The following CYSTM1 variants were observed in gnomAD, a reference collection of about 807,000 sequenced individuals.
CYSTM1 encodes cysteine rich transmembrane module containing 1, also known as cysteine-rich transmembrane module-containing protein 1.
CYSTM1 carries 4 observed loss-of-function variants against 13.1 expected under a neutral mutation model. That is an observed-to-expected ratio of 0.31 (90% confidence interval 0.15 to 0.70). CYSTM1 has a LOEUF of 0.70. CYSTM1 is among the 30% of genes least tolerant of loss of function. The pLI is 0.72. For synonymous variants in CYSTM1, 36 were observed against 42.7 expected (o/e 0.84, Z 0.62); for missense variants, 96 against 121.6 (o/e 0.79, Z 0.99).
intron 1 of CYSTM1, among the ~76,000 whole-genome samples, chr5:140,178,994 C>T (rs191280546): frequency 3.6e-4 from 55 of 151,930 alleles, no homozygotes; most frequent in African/African-American, 1.2e-3. Flanking sequence ...ATCTGAGGCC[C>T]GGTGCGGTAA....
chr5:140,193,219 G>GA (rs1309403366), intron 1 of CYSTM1, among the ~76,000 whole-genome samples: 2 of 152,174 alleles, frequency 1.3e-5, no homozygotes, highest in African/African-American at 2.4e-5. Flanking sequence ...TATGACAGAT[G>GA]ATATGTTAAG....
chr5:140,193,473 G>A (rs1374968849), intron 1 of CYSTM1, among the ~76,000 whole-genome samples: 2 of 152,066 alleles, frequency 1.3e-5, no homozygotes, highest in African/African-American at 2.4e-5. Flanking sequence ...TAGTAGAGAC[G>A]GGGTTTCACC....
Position 140,179,357 on chromosome 5 carries a change from G to C in CYSTM1, c.-21+4072G>C, listed in dbSNP as rs113508018. Among the ~76,000 whole-genome samples, 336 of 151,848 alleles carry C rather than the reference G, an allele frequency of 2.2e-3. 1 individual carries two copies. The highest frequency in any genetic ancestry group is 3.7e-3 in the Non-Finnish European group (250 of 67,964). The stretch of plus-strand genomic sequence containing the variant: ...GTGGATTGCTTGAGGCCAGGAGTTC[G>C]AGACCAGCCTGGCCAACATGGCGAA... On this transcript the variant is annotated intron_variant, in intron 1 of 2. Coordinates refer to ENST00000261811, the MANE Select transcript of CYSTM1 (RefSeq NM_032412.4).
chr5:140,228,116 G>A (rs991160424), intron 2 of CYSTM1, among the ~76,000 whole-genome samples: 4 of 152,060 alleles, frequency 2.6e-5, no homozygotes, highest in African/African-American at 7.2e-5. Flanking sequence ...GCTAGTTTGG[G>A]GTTATTTTGA....
chr5:140,199,819 C>G (rs1200833318), intron 2 of CYSTM1, among the ~76,000 whole-genome samples: 2 of 152,222 alleles, frequency 1.3e-5, no homozygotes, highest in Non-Finnish European at 2.9e-5. Flanking sequence ...ACCATTCTAA[C>G]TGGCGTGAGA....
chr5:140,212,266 G>A (rs1003081046), intron 2 of CYSTM1, among the ~76,000 whole-genome samples: 6 of 152,150 alleles, frequency 3.9e-5, no homozygotes, highest in South Asian at 2.1e-4. Context: ...CGTAAATGAC[G>A]GTGATCCCAT....
At chr5:140,228,159 G>A (rs1171708167) in intron 2 of CYSTM1, among the ~76,000 whole-genome samples, 1 of 152,164 alleles carries the variant, frequency 6.6e-6, no homozygotes, top group African/African-American at 2.4e-5. Flanking sequence ...ATAGATCCCT[G>A]AACGCTGGGA....
At chr5:140,225,617 C>G (rs13359060) in intron 2 of CYSTM1, among the ~76,000 whole-genome samples, 1 of 152,110 alleles carries the variant, frequency 6.6e-6, no homozygotes, top group African/African-American at 2.4e-5. Context: ...AAGATGTGAC[C>G]GGTTTCCCTG....
intron 2 of CYSTM1, among the ~76,000 whole-genome samples, chr5:140,206,607 G>GTTGT (rs3083575): frequency 0.46 from 69,293 of 149,278 alleles, 16,350 homozygotes; most frequent in Non-Finnish European, 0.51. Flanking sequence ...GCTGAGCACT[G>GTTGT]TTGTTTGTTT....
At chr5:140,189,641 G>A (rs1343425627) in intron 1 of CYSTM1, among the ~76,000 whole-genome samples, 1 of 151,988 alleles carries the variant, frequency 6.6e-6, no homozygotes, top group Non-Finnish European at 1.5e-5. Context: ...TTATTGTTTT[G>A]GGGTCATTTT....
intron 2 of CYSTM1, among the ~76,000 whole-genome samples, chr5:140,205,054 G>A (rs916309268): frequency 3.3e-4 from 50 of 152,198 alleles, no homozygotes; most frequent in African/African-American, 1.0e-3. Context: ...CCCCCATGGA[G>A]CTCAAAAGCC....
chr5:140,241,802 C>T (rs1019230070), intron 2 of CYSTM1, among the ~76,000 whole-genome samples: 2 of 152,168 alleles, frequency 1.3e-5, no homozygotes, highest in African/African-American at 4.8e-5. Context: ...AGGGTAGGCT[C>T]TGGCTGGATG....
At chr5:140,190,065 T>G (rs1764072518) in intron 1 of CYSTM1, among the ~76,000 whole-genome samples, 1 of 152,206 alleles carries the variant, frequency 6.6e-6, no homozygotes, top group Non-Finnish European at 1.5e-5. Flanking sequence ...TGCCTGTCTG[T>G]TAAATTAGGA....
chr5:140,179,379 C>T (rs1049200608), intron 1 of CYSTM1, among the ~76,000 whole-genome samples: 2 of 151,608 alleles, frequency 1.3e-5, no homozygotes, highest in Non-Finnish European at 2.9e-5. Context: ...GCCAACATGG[C>T]GAAACCCTGT....
chr5:140,193,189 G>C (rs180753823), intron 1 of CYSTM1, among the ~76,000 whole-genome samples: 90 of 152,328 alleles, frequency 5.9e-4, no homozygotes, highest in Admixed American at 9.1e-4. Context: ...TAAGATATGG[G>C]TAACAGTACA....
At position 140,225,605 on chromosome 5, in the gene CYSTM1, CA is replaced by C. The variant is rs1370842924; in HGVS notation, c.188-17697del. Among the ~76,000 whole-genome samples, 5 of 152,348 alleles carry C rather than the reference CA, an allele frequency of 3.3e-5. No homozygotes were observed. The East Asian group carries it at 9.6e-4, about 29-fold the overall frequency. Reference sequence around the variant, plus strand: ...GCCTGGGCTTCCTAGTCATACTTCCCAAAGATGTGACCGGTTTCCCTGACTT... The same window carrying C: ...GCCTGGGCTTCCTAGTCATACTTCCCAAGATGTGACCGGTTTCCCTGACTT... On this transcript the variant is annotated intron_variant, in intron 2 of 2. Coordinates refer to ENST00000261811, the MANE Select transcript of CYSTM1 (RefSeq NM_032412.4).
intron 2 of CYSTM1, among the ~76,000 whole-genome samples, chr5:140,236,003 GTT>G (rs1165451521): frequency 6.6e-6 from 1 of 152,170 alleles, no homozygotes; most frequent in African/African-American, 2.4e-5. Context: ...ATACAAAACA[GTT>G]TGTTTCTAAG....
rs1175481174 is a variant in CYSTM1 at position 140,194,569 on chromosome 5, A to G, written c.104A>G (p.Tyr35Cys). ...PMGPGPMGGPYPPPQGYPYQG... is the reference protein window; with the variant it reads ...PMGPGPMGGPCPPPQGYPYQG... ...GGTCCAGGACCTATGGGGGGACCCT[A>G]CCCACCTCCTCAAGGGTACCCCTAC... Residue 35 changes from tyrosine to cysteine, a missense_variant, in exon 2 of 3, where the codon TAC becomes TGC. Physicochemically the swap from Tyr to Cys is radical, Grantham distance 194. Coordinates refer to ENST00000261811, the MANE Select transcript of CYSTM1 (RefSeq NM_032412.4). The G allele has an allele frequency of 1.2e-6, 2 of 1,613,446 alleles. No homozygotes were observed. Among genetic ancestry groups the G allele is most frequent in the African/African-American group, 2.7e-5 (2 of 74,874 alleles).
chr5:140,243,480 C>T lies in CYSTM1; in HGVS notation c.*69C>T. On this transcript the variant is annotated 3_prime_UTR_variant, in exon 3 of 3. Coordinates refer to ENST00000261811, the MANE Select transcript of CYSTM1 (RefSeq NM_032412.4). ...CTCTGACAGGTGTGCCTGCCCCCAT[C>T]TCTTCTGATTGCTGTTAACAAATGA... The T allele has an allele frequency of 1.5e-6, 2 of 1,324,030 alleles. No individual in the cohort carries two copies. The highest frequency in any genetic ancestry group is 2.1e-6 in the Non-Finnish European group (2 of 935,792). 82.0% of individuals were successfully genotyped at this position (1,324,030 alleles called of 1,614,324 possible).
Sources: gnomAD v4.1 joint callset for allele counts (sites outside exome capture counted in the v4.1 genomes callset) on GRCh38, gnomAD v4.1.1 for gene constraint, MANE v1.5 for transcripts, NCBI Gene and HGNC (gene_info 2026-07-23, HGNC 2026-07-21) for gene names.